PSMA1: variants seen among roughly 807,000 people sequenced by gnomAD.
PSMA1 encodes proteasome subunit alpha type-1.
In PSMA1, 3 loss-of-function variants were observed where a neutral mutation model predicts 38.4. The ratio of observed to expected loss-of-function variants is 0.08; its 90% CI spans 0.04 to 0.20. The LOEUF (loss-of-function observed/expected upper bound fraction) is 0.20. Ranked by LOEUF, PSMA1 falls within the 10% of genes least tolerant of loss-of-function variation. PSMA1 has a pLI of 1.00. For synonymous variants in PSMA1, 101 were observed against 107.1 expected (o/e 0.94, Z 0.35); for missense variants, 227 against 325.3 (o/e 0.70, Z 2.32).
chr11:14,600,687 C>A (rs944284150), intron 2 of PSMA1, among the ~76,000 whole-genome samples: 4 of 152,224 alleles, frequency 2.6e-5, no homozygotes, highest in African/African-American at 9.7e-5. Flanking sequence ...CCCCTGACCC[C>A]TTGTGCTTCC....
exon 2 of PSMA1, chr11:14,610,996 A>G: frequency 1.9e-6 from 3 of 1,612,766 alleles, no homozygotes; most frequent in Non-Finnish European, 2.5e-6. Flanking sequence ...TAACATTTCC[A>G]GGAGACAGTC....
intron 1 of PSMA1, among the ~76,000 whole-genome samples, chr11:14,622,864 T>C (rs1346267472): frequency 6.6e-6 from 1 of 152,162 alleles, no homozygotes; most frequent in Admixed American, 6.5e-5. Flanking sequence ...GCAAGTATCA[T>C]TGGGAGAATA....
At chr11:14,583,496 G>A (rs1852306123) in intron 2 of PSMA1, among the ~76,000 whole-genome samples, 1 of 152,180 alleles carries the variant, frequency 6.6e-6, no homozygotes, top group South Asian at 2.1e-4. Flanking sequence ...CGCTCAGAAT[G>A]CCATAAGCCA....
At chr11:14,529,249 C>T (rs1011934577) in intron 2 of PSMA1, among the ~76,000 whole-genome samples, 3 of 151,944 alleles carry the variant, frequency 2.0e-5, no homozygotes, top group Non-Finnish European at 4.4e-5. Context: ...TAAATCTTAC[C>T]GTGTTATTAT....
intron 1 of PSMA1, among the ~76,000 whole-genome samples, chr11:14,625,531 T>G (rs1310527252): frequency 6.6e-6 from 1 of 152,130 alleles, no homozygotes; most frequent in Non-Finnish European, 1.5e-5. Flanking sequence ...GATCCACCCC[T>G]GTTTCAGTAC....
At chr11:14,521,783 A>C (rs895419305), upstream of PSMA1, among the ~76,000 whole-genome samples, 6 of 151,658 alleles carry the variant, frequency 4.0e-5, 1 homozygote, top group South Asian at 1.0e-3. Flanking sequence ...AAAAAACAAA[A>C]AACAAAGTAC....
intron 1 of PSMA1, among the ~76,000 whole-genome samples, chr11:14,627,349 C>G (rs900582680): frequency 6.6e-6 from 1 of 152,148 alleles, no homozygotes; most frequent in African/African-American, 2.4e-5. Flanking sequence ...ACTTGAGGTG[C>G]TTGGTAGAAA....
At chr11:14,546,023 G>A (rs990262343) in intron 2 of PSMA1, among the ~76,000 whole-genome samples, 2 of 152,142 alleles carry the variant, frequency 1.3e-5, no homozygotes, top group Non-Finnish European at 2.9e-5. Context: ...ACTCCTTTGG[G>A]GGGGTCCATC....
chr11:14,641,920 C>CT (rs1030741508), intron 1 of PSMA1, among the ~76,000 whole-genome samples: 1 of 152,158 alleles, frequency 6.6e-6, no homozygotes, highest in African/African-American at 2.4e-5. Context: ...AAATTAATTG[C>CT]TTCATTTCAC....
At chr11:14,533,102 T>C (rs1851667767) in intron 2 of PSMA1, among the ~76,000 whole-genome samples, 1 of 152,220 alleles carries the variant, frequency 6.6e-6, no homozygotes, top group Non-Finnish European at 1.5e-5. Flanking sequence ...TGTATATGAT[T>C]CTTATTTCAT....
intron 1 of PSMA1, 101 bp downstream of exon 1, chr11:14,520,196 G>T (rs1235464334): frequency 4.5e-6 from 7 of 1,562,288 alleles, no homozygotes; most frequent in Non-Finnish European, 6.2e-6. Flanking sequence ...CTCATACCTC[G>T]TGGCACCGGG....
intron 1 of PSMA1, among the ~76,000 whole-genome samples, chr11:14,628,937 A>G (rs1426429112): frequency 6.7e-6 from 1 of 150,322 alleles, no homozygotes; most frequent in African/African-American, 2.5e-5. Flanking sequence ...GCATTTTTTC[A>G]TGTGTTTTTT....
rs1210749367 is a variant in PSMA1, at chr11:14,513,532, C to G, written c.544+38G>C. On this transcript the variant is annotated intron_variant, in intron 7 of 9. Coordinates refer to ENST00000396394, the MANE Select transcript of PSMA1 (RefSeq NM_002786.4). ...TATTTACTATATAGACTGGAAAAGG[C>G]AAAAAAAAAAAAAAAAAAAAGCAAG... 9.4e-6 allele frequency: 9 copies of G among 961,072 alleles called. No individual in the cohort carries two copies. In the African/African-American group the frequency reaches 1.5e-4, roughly 16 times the overall value. The allele number at this position is 961,072 out of a possible 1,614,324, so 59.5% of individuals were successfully genotyped here.
At chr11:14,636,040 T>C (rs761262427) in intron 1 of PSMA1, among the ~76,000 whole-genome samples, 8 of 152,234 alleles carry the variant, frequency 5.3e-5, no homozygotes, top group Admixed American at 1.3e-4. Context: ...ATGTGTACTT[T>C]ATATTGTATC....
intron 2 of PSMA1, among the ~76,000 whole-genome samples, chr11:14,586,721 T>C (rs908623261): frequency 6.6e-6 from 1 of 152,050 alleles, no homozygotes; most frequent in Non-Finnish European, 1.5e-5. Context: ...CCGAAGAATC[T>C]CTCCCTTGCT....
At chr11:14,505,335 A>T (rs1851228253) in intron 9 of PSMA1, 87 bp from the exon 10 acceptor site, 2 of 1,173,370 alleles carry the variant, frequency 1.7e-6, no homozygotes, top group Non-Finnish European at 2.5e-6. Context: ...GTTATTAAAA[A>T]TTGAGAAAAA....
chr11:14,517,184 A>G (rs527284848), intron 4 of PSMA1, among the ~76,000 whole-genome samples: 1 of 152,220 alleles, frequency 6.6e-6, no homozygotes, highest in Non-Finnish European at 1.5e-5. Context: ...CTTGCCTTCA[A>G]GTTCCCTTAA....
intron 2 of PSMA1, among the ~76,000 whole-genome samples, chr11:14,558,591 G>A (rs1003314313): frequency 6.6e-6 from 1 of 152,204 alleles, no homozygotes; most frequent in Non-Finnish European, 1.5e-5. Context: ...ATGGGAGAAC[G>A]AATTGCAAGA....
At chr11:14,610,943 T>C (rs2134198474) in intron 2 of PSMA1, 1 of 1,610,920 alleles carries the variant, frequency 6.2e-7, no homozygotes, top group Non-Finnish European at 8.5e-7. Context: ...CTGTGTTTTA[T>C]CAAAAAGCAA....
Sources: allele counts gnomAD v4.1 joint callset (sites outside exome capture counted in the v4.1 genomes callset), GRCh38; gene constraint gnomAD v4.1.1; transcripts MANE v1.5; gene names NCBI Gene and HGNC (gene_info 2026-07-23, HGNC 2026-07-21).